The following SLC39A10 variants were observed in gnomAD, a reference collection of about 807,000 sequenced individuals.
SLC39A10 encodes solute carrier family 39 member 10.
In SLC39A10, 13 loss-of-function variants were observed where a neutral mutation model predicts 65.1. The ratio of observed to expected loss-of-function variants is 0.20; its 90% CI spans 0.13 to 0.32. The LOEUF is 0.32. Ranked by LOEUF, SLC39A10 falls within the 10% of genes least tolerant of loss-of-function variation. The pLI, the probability that SLC39A10 is intolerant of heterozygous loss-of-function variation, is 1.00. For missense variants in SLC39A10, 831 were observed against 1,018.4 expected, an observed-to-expected ratio of 0.82 and a Z score of 2.50; for synonymous variants, 321 against 342.2, an observed-to-expected ratio of 0.94 and a Z score of 0.68.
chr2:195,681,754 A>G (rs187151239), intron 2 of SLC39A10, among the ~76,000 whole-genome samples: 150 of 152,276 alleles, frequency 9.9e-4, no homozygotes, highest in Middle Eastern at 3.4e-3. Context: ...GCCATGTTCT[A>G]GGTATTTGAA....
intron 8 of SLC39A10, among the ~76,000 whole-genome samples, chr2:195,721,710 C>T (rs1466329692): frequency 6.6e-6 from 1 of 152,140 alleles, no homozygotes; most frequent in Non-Finnish European, 1.5e-5. Flanking sequence ...CATGTTGCCT[C>T]ATATTTAATC....
intron 5 of SLC39A10, 37 bp downstream of exon 5, chr2:195,708,881 AACTC>A (rs1314532848): frequency 1.4e-6 from 2 of 1,452,926 alleles, no homozygotes; most frequent in Admixed American, 4.4e-5. Flanking sequence ...TATACCATAA[AACTC>A]AAAACAAAAA....
intron 3 of SLC39A10, among the ~76,000 whole-genome samples, chr2:195,699,566 A>G (rs1691099257): frequency 1.3e-5 from 2 of 151,946 alleles, no homozygotes; most frequent in South Asian, 2.1e-4. Flanking sequence ...ATGTTGTTTA[A>G]TTTCTATGAA....
chr2:195,614,910 C>T (rs1211331556), intron 2 of SLC39A10, among the ~76,000 whole-genome samples: 1 of 151,916 alleles, frequency 6.6e-6, no homozygotes, highest in Non-Finnish European at 1.5e-5. Context: ...ATTAGCTGGA[C>T]ATGGTGGTGT....
rs763290982 is a variant in SLC39A10, at chr2:195,708,688, T to C, written c.1419T>C (p.His473=). The C allele has an allele frequency of 6.2e-6, 10 of 1,609,332 alleles. No homozygotes were observed. In the South Asian group the frequency reaches 7.8e-5, roughly 13 times the overall value. Reference sequence around the variant, plus strand: ...GTGGACATGATCACAGTCACCAACATGCACATGGGCATGGACATTCTCATG... The same window carrying C: ...GTGGACATGATCACAGTCACCAACACGCACATGGGCATGGACATTCTCATG... ...SQGGHDHSHQ[H]AHGHGHSHGH... The change falls in exon 5 of 10, where the codon CAT becomes CAC. Residue 473 remains histidine, a synonymous_variant. Transcript: ENST00000359634.
At chr2:195,681,214 G>A (rs191385259) in intron 2 of SLC39A10, among the ~76,000 whole-genome samples, 164 bp downstream of exon 2, 84 of 152,144 alleles carry the variant, frequency 5.5e-4, no homozygotes, top group African/African-American at 1.8e-3. Flanking sequence ...AATACATTAA[G>A]GAATCAGAAT....
chr2:195,667,888 A>C (rs1373018215), intron 1 of SLC39A10, among the ~76,000 whole-genome samples: 1 of 152,242 alleles, frequency 6.6e-6, no homozygotes, highest in Non-Finnish European at 1.5e-5. Flanking sequence ...AAATATTGCA[A>C]ATAATGTAGG....
chr2:195,737,211 A>AGTCTT lies in SLC39A10; in HGVS notation c.*2171_*2175dup, dbSNP rs1400322215. 2.0e-4 allele frequency: 30 copies of AGTCTT among 152,782 alleles called. No homozygotes were observed. The highest frequency in any genetic ancestry group is 1.8e-3 in the Admixed American group (27 of 15,300). The allele number at this position is 152,782 out of a possible 1,614,324, so 9.5% of individuals were successfully genotyped here. On this transcript the variant is annotated 3_prime_UTR_variant, in exon 10 of 10. Transcript: ENST00000359634. ...CACATCATTCTAATGTATAGTTTCA[A>AGTCTT]GTCTTAATAGACAATCTGAATTCCA... is the stretch of plus-strand genomic sequence containing the variant.
intron 3 of SLC39A10, among the ~76,000 whole-genome samples, chr2:195,685,975 T>C (rs1690509446): frequency 6.6e-6 from 1 of 152,224 alleles, no homozygotes; most frequent in African/African-American, 2.4e-5. Context: ...ATGAATGTTC[T>C]CAAAATTAGT....
In SLC39A10 at chr2:195,657,626, G is replaced by A. The variant is rs190855143; in HGVS notation, c.-12+345G>A. ...CCTGTGGAGGTTGGCGGAGCCTCGC[G>A]GGCCGCGCCCGGGGTGGGGGAGTGA... On this transcript the variant is annotated intron_variant, in intron 1 of 9. Transcript: ENST00000359634. 1.3e-5 allele frequency: 13 copies of A among 985,320 alleles called. No individual in the cohort carries two copies. The East Asian group carries it at 1.1e-3, about 86-fold the overall frequency. The allele number at this position is 985,320 out of a possible 1,614,324, so 61.0% of individuals were successfully genotyped here.
At chr2:195,703,822 T>C (rs529078926) in intron 3 of SLC39A10, among the ~76,000 whole-genome samples, 338 of 152,138 alleles carry the variant, frequency 2.2e-3, no homozygotes, top group Non-Finnish European at 3.8e-3. Context: ...CCCGGCTAAT[T>C]TTTATATTTT....
chr2:195,731,575 G>T (rs1211360786), intron 9 of SLC39A10, among the ~76,000 whole-genome samples: 1 of 152,076 alleles, frequency 6.6e-6, no homozygotes, highest in Non-Finnish European at 1.5e-5. Context: ...CCTTACATCT[G>T]TAACACTAGA....
chr2:195,655,839 C>G (rs139491284), upstream of SLC39A10, among the ~76,000 whole-genome samples: 136 of 152,284 alleles, frequency 8.9e-4, no homozygotes, highest in Non-Finnish European at 1.7e-3. Context: ...TATCAAGCAC[C>G]ATTTTCGTTG....
At chr2:195,646,521 C>T (rs995632167) in intron 2 of SLC39A10, among the ~76,000 whole-genome samples, 3 of 152,184 alleles carry the variant, frequency 2.0e-5, no homozygotes, top group African/African-American at 7.2e-5. Context: ...GTCAGCAGGG[C>T]CACGTTTCTT....
intron 3 of SLC39A10, among the ~76,000 whole-genome samples, chr2:195,690,169 C>T (rs10191441): frequency 1.5e-5 from 1 of 68,222 alleles, no homozygotes; most frequent in African/African-American, 6.2e-5. Context: ...GAGTGAGACT[C>T]TCTGAAAAAA....
chr2:195,690,934 A>G (rs1372551101), intron 3 of SLC39A10, among the ~76,000 whole-genome samples: 1 of 152,064 alleles, frequency 6.6e-6, no homozygotes, highest in African/African-American at 2.4e-5. Flanking sequence ...GTGATTTCTG[A>G]GATTTTGTTG....
At chr2:195,658,637 T>G (rs1430587358) in intron 1 of SLC39A10, 1 of 152,220 alleles carries the variant, frequency 6.6e-6, no homozygotes, top group Non-Finnish European at 1.5e-5. Flanking sequence ...TAACTTAGTA[T>G]GCAATTGAAA....
At chr2:195,691,841 C>A (rs1447879027) in intron 3 of SLC39A10, among the ~76,000 whole-genome samples, 1 of 152,182 alleles carries the variant, frequency 6.6e-6, no homozygotes, top group Non-Finnish European at 1.5e-5. Flanking sequence ...TGATTATTTT[C>A]TTTTGCTGTG....
Position 195,683,793 on chromosome 2 carries a change from TATATC to T in SLC39A10, c.1105_1109del (p.Tyr369AsnfsTer8). 6.2e-7 allele frequency: 1 copy of T among 1,613,428 alleles called. No individual in the cohort carries two copies. The highest frequency in any genetic ancestry group is 8.5e-7 in the Non-Finnish European group (1 of 1,179,480). On this transcript the variant is annotated frameshift_variant, in exon 3 of 10. Coordinates refer to ENST00000359634, the MANE Select transcript of SLC39A10 (RefSeq NM_020342.3). LOFTEE classifies it high-confidence loss of function. ...TTTACATACCTTTGCCCTGCATTGT[TATATC>T]AAATCGACAGCAGACTTTGTATTGA... is the stretch of plus-strand genomic sequence containing the variant.
Sources: gnomAD v4.1 joint callset for allele counts (sites outside exome capture counted in the v4.1 genomes callset) on GRCh38, gnomAD v4.1.1 for gene constraint, MANE v1.5 for transcripts, NCBI Gene and HGNC (gene_info 2026-07-23, HGNC 2026-07-21) for gene names.